The following SGCD variants were observed in gnomAD, a reference collection of about 807,000 sequenced individuals.
SGCD encodes delta-sarcoglycan.
In SGCD, 18 loss-of-function variants were observed where a neutral mutation model predicts 36.6. The observed-to-expected ratio is 0.49, with a 90% confidence interval of 0.34 to 0.73. SGCD has a LOEUF of 0.73. Ranked by LOEUF, SGCD falls within the 30% of genes least tolerant of loss-of-function variation. SGCD has a pLI of 0.01. For synonymous variants in SGCD, 133 were observed against 130.6 expected (o/e 1.02, Z -0.12); for missense variants, 387 against 346.7 (o/e 1.12, Z -0.92).
chr5:156,661,998 AG>A, intron 7 of SGCD, among the ~76,000 whole-genome samples: 1 of 103,662 alleles, frequency 9.6e-6, no homozygotes, highest in Non-Finnish European at 1.9e-5. Flanking sequence ...AAAAAGTTGG[AG>A]TGGGGCTAAG....
At chr5:156,410,530 G>A (rs1827687) in intron 3 of SGCD, among the ~76,000 whole-genome samples, 114,851 of 152,156 alleles carry the variant, frequency 0.75, 44,061 homozygotes, top group Middle Eastern at 0.91. Context: ...ATGAAAGTTG[G>A]AATTATTTTT....
chr5:156,473,010 A>C (rs1395711276), intron 3 of SGCD, among the ~76,000 whole-genome samples: 1 of 152,222 alleles, frequency 6.6e-6, no homozygotes, highest in East Asian at 1.9e-4. Context: ...ACAGTAAAAA[A>C]AATAGCTGGT....
chr5:155,830,851 C>T, the SGCD span, among the ~76,000 whole-genome samples: 101 of 152,282 alleles, frequency 6.6e-4, 1 homozygote, highest in South Asian at 4.6e-3. Context: ...TATTGGCCCT[C>T]TTTGTTTTTT....
intron 3 of SGCD, among the ~76,000 whole-genome samples, chr5:156,478,076 G>A (rs1050804353): frequency 6.6e-6 from 1 of 151,866 alleles, no homozygotes; most frequent in South Asian, 2.1e-4. Context: ...TGGAGTCAAG[G>A]GTAGGGTGTT....
chr5:155,826,942 C>T, the SGCD span, among the ~76,000 whole-genome samples: 3 of 152,310 alleles, frequency 2.0e-5, no homozygotes, highest in Non-Finnish European at 2.9e-5. Context: ...CTGCTCTATA[C>T]GTGCTCAGGA....
At chr5:156,500,686 C>T (rs1345278764) in intron 3 of SGCD, among the ~76,000 whole-genome samples, 1 of 152,144 alleles carries the variant, frequency 6.6e-6, no homozygotes, top group African/African-American at 2.4e-5. Context: ...CTAACAACGA[C>T]CAACGTTTGC....
Position 156,283,706 on chromosome 5 carries a change from C to G in SGCD, c.-43-45828C>G, listed in dbSNP as rs943092035. Among the ~76,000 whole-genome samples the G allele has an allele frequency of 2.0e-5, 3 of 152,138 alleles. 1 individual carries two copies. The highest frequency in any genetic ancestry group is 7.2e-5 in the African/African-American group (3 of 41,446). On this transcript the variant is annotated intron_variant, in intron 3 of 9. Coordinates refer to the SGCD transcript ENST00000517913. ...AAATCACCTGCAAGACTTGCTAAAA[C>G]AAATTTCCGGACCCATTCCTAGAGT...
intron 7 of SGCD, among the ~76,000 whole-genome samples, chr5:156,703,121 G>A (rs529382297): frequency 6.0e-4 from 92 of 152,264 alleles, no homozygotes; most frequent in African/African-American, 2.1e-3. Context: ...TTGCTATGCC[G>A]CCAGTAATAA....
chr5:156,105,842 G>C (rs1367336828), intron 1 of SGCD, among the ~76,000 whole-genome samples: 1 of 151,964 alleles, frequency 6.6e-6, no homozygotes, highest in Admixed American at 6.6e-5. Flanking sequence ...GCTGGTTGCG[G>C]TGGATCATTC....
rs1757599011 is a variant in SGCD, at chr5:156,766,783, C to T, written c.*7393C>T. 1 of 151,772 alleles carries T rather than the reference C, an allele frequency of 6.6e-6. No individual in the cohort carries two copies. 9.4% of individuals were successfully genotyped at this position (151,772 alleles called of 1,614,324 possible). ...GGGATCATGCAAAAAGATTAGAAAC[C>T]ATAATGCCCTTGTTAAAGCCCTGCT... On this transcript the variant is annotated 3_prime_UTR_variant, in exon 9 of 9. Transcript: ENST00000337851.
the SGCD span, among the ~76,000 whole-genome samples, chr5:155,762,137 C>CA: frequency 1.3e-5 from 2 of 152,158 alleles, no homozygotes; most frequent in Non-Finnish European, 2.9e-5. Context: ...TGTGATTATA[C>CA]AATTATACAA....
At chr5:155,829,836 A>T in the SGCD span, among the ~76,000 whole-genome samples, 1 of 152,224 alleles carries the variant, frequency 6.6e-6, no homozygotes, top group Non-Finnish European at 1.5e-5. Flanking sequence ...AAAACCAGGA[A>T]ATGGAAAGTC....
intron 3 of SGCD, among the ~76,000 whole-genome samples, chr5:156,256,901 G>A (rs1765729783): frequency 6.6e-6 from 1 of 152,150 alleles, no homozygotes. Flanking sequence ...AAATGAGGCT[G>A]AGCGTGGTGG....
At chr5:156,200,999 A>G (rs1764135963) in intron 3 of SGCD, among the ~76,000 whole-genome samples, 1 of 152,192 alleles carries the variant, frequency 6.6e-6, no homozygotes, top group East Asian at 1.9e-4. Flanking sequence ...TCACAAAAGG[A>G]CAAAAAAGTA....
At chr5:156,683,506 T>C (rs1171604183) in intron 7 of SGCD, among the ~76,000 whole-genome samples, 1 of 152,222 alleles carries the variant, frequency 6.6e-6, no homozygotes, top group Non-Finnish European at 1.5e-5. Flanking sequence ...AGCAATTCTG[T>C]AGACAACATT....
the SGCD span, among the ~76,000 whole-genome samples, chr5:155,860,376 T>A: frequency 6.6e-6 from 1 of 152,206 alleles, no homozygotes; most frequent in African/African-American, 2.4e-5. Context: ...TTTAGAAAGG[T>A]TGCATCTTGT....
At chr5:156,624,206 A>G (rs1762357963) in intron 6 of SGCD, among the ~76,000 whole-genome samples, 1 of 152,168 alleles carries the variant, frequency 6.6e-6, no homozygotes, top group Admixed American at 6.5e-5. Context: ...GAAGGATTTC[A>G]GTGGGTGAAG....
intron 4 of SGCD, among the ~76,000 whole-genome samples, chr5:156,516,348 G>A (rs1757165069): frequency 6.6e-6 from 1 of 152,240 alleles, no homozygotes; most frequent in African/African-American, 2.4e-5. Context: ...CGTCCTTGCT[G>A]TTCTGCAGAC....
At chr5:156,196,874 T>A (rs866554347) in intron 3 of SGCD, among the ~76,000 whole-genome samples, 1 of 152,148 alleles carries the variant, frequency 6.6e-6, no homozygotes, top group Non-Finnish European at 1.5e-5. Flanking sequence ...ACTTAACGCA[T>A]CCATACACTT....
Sources: gnomAD v4.1 joint callset for allele counts (sites outside exome capture counted in the v4.1 genomes callset) on GRCh38, gnomAD v4.1.1 for gene constraint, MANE v1.5 for transcripts, NCBI Gene and HGNC (gene_info 2026-07-23, HGNC 2026-07-21) for gene names.